MAMDC2: variants seen among roughly 807,000 people sequenced by gnomAD.
MAMDC2 encodes the protein MAM domain containing 2.
In MAMDC2, 57 loss-of-function variants were observed where a neutral mutation model predicts 89.8. The observed-to-expected ratio is 0.63, with a 90% CI of 0.51 to 0.79. The LOEUF is 0.79. Among genes scored for constraint, MAMDC2 ranks in the 30% least tolerant of loss-of-function variants. The pLI, the probability that MAMDC2 is intolerant of heterozygous loss-of-function variation, is 0.00. For missense variants in MAMDC2, 800 were observed against 820.6 expected (o/e 0.97, Z 0.31); for synonymous variants, 313 against 293.4 (o/e 1.07, Z -0.68).
intron 2 of MAMDC2, among the ~76,000 whole-genome samples, chr9:70,078,296 C>A (rs1030138959): frequency 6.6e-6 from 1 of 152,152 alleles, no homozygotes; most frequent in Non-Finnish European, 1.5e-5. Context: ...TCATGTTTTA[C>A]CTTAGGCCCC....
chr9:70,088,897 T>C (rs1231259063), intron 2 of MAMDC2: 1 of 152,116 alleles, frequency 6.6e-6, no homozygotes, highest in Non-Finnish European at 1.5e-5. Flanking sequence ...AGTATTACAA[T>C]GATTTGACAG....
At chr9:70,182,820 T>G (rs2118580158) in intron 11 of MAMDC2, among the ~76,000 whole-genome samples, 1 of 152,352 alleles carries the variant, frequency 6.6e-6, no homozygotes, top group East Asian at 1.9e-4. Context: ...TTCACTGATT[T>G]TTTTGAAGGG....
chr9:70,160,993 T>C (rs1026261567), intron 9 of MAMDC2, among the ~76,000 whole-genome samples: 3 of 152,130 alleles, frequency 2.0e-5, no homozygotes, highest in African/African-American at 7.2e-5. Flanking sequence ...GGCTGTATAA[T>C]GAAATACATT....
chr9:70,178,355 C>T (rs946783676), intron 11 of MAMDC2, among the ~76,000 whole-genome samples: 2 of 151,128 alleles, frequency 1.3e-5, no homozygotes, highest in Non-Finnish European at 3.0e-5. Context: ...GGGAACCAAA[C>T]TCATCCTTTA....
chr9:70,222,781 A>C (rs926862326), intron 12 of MAMDC2, among the ~76,000 whole-genome samples: 1 of 152,136 alleles, frequency 6.6e-6, no homozygotes, highest in Non-Finnish European at 1.5e-5. Context: ...TATTTACATC[A>C]GTCATATTAT....
chr9:70,081,176 C>T (rs1323258017), intron 2 of MAMDC2, among the ~76,000 whole-genome samples: 2 of 152,012 alleles, frequency 1.3e-5, no homozygotes, highest in Non-Finnish European at 2.9e-5. Context: ...GGAAGAAGGG[C>T]AGGCCAGGAG....
chr9:70,214,017 A>G (rs1171201562), intron 11 of MAMDC2, among the ~76,000 whole-genome samples: 2 of 152,150 alleles, frequency 1.3e-5, no homozygotes, highest in Non-Finnish European at 2.9e-5. Flanking sequence ...CATTCAACAG[A>G]TATTAATGAG....
intron 9 of MAMDC2, among the ~76,000 whole-genome samples, chr9:70,155,290 C>T (rs2031720546): frequency 6.6e-6 from 1 of 152,204 alleles, no homozygotes; most frequent in Admixed American, 6.5e-5. Flanking sequence ...CTCCCTGCCT[C>T]ATTCTTAGGA....
intron 4 of MAMDC2, among the ~76,000 whole-genome samples, chr9:70,110,555 G>C (rs1405599651): frequency 6.6e-6 from 1 of 152,164 alleles, no homozygotes; most frequent in Non-Finnish European, 1.5e-5. Flanking sequence ...AAAGAAACAG[G>C]GCAGGTTCAG....
In MAMDC2 at chr9:70,213,492, AT is replaced by A. The variant is rs771032650; in HGVS notation, c.1652-4844del. Among the ~76,000 whole-genome samples, 6 of 152,118 alleles carry A rather than the reference AT, an allele frequency of 3.9e-5. 1 individual carries two copies. In the East Asian group the frequency reaches 9.6e-4, roughly 24 times the overall value. On this transcript the variant is annotated intron_variant, in intron 11 of 13. Transcript: ENST00000377182. ...ACCATGTTACTAACTTATGTGTAGGATAGCATTGGATTCCTTTGTACATAGT... is the reference window on the plus strand; with the variant it reads ...ACCATGTTACTAACTTATGTGTAGGAAGCATTGGATTCCTTTGTACATAGT...
intron 6 of MAMDC2, among the ~76,000 whole-genome samples, chr9:70,129,780 A>G (rs1011397497): frequency 6.6e-6 from 1 of 152,220 alleles, no homozygotes; most frequent in African/African-American, 2.4e-5. Context: ...GTTTGCTAGG[A>G]CTGCCCATAA....
intron 11 of MAMDC2, among the ~76,000 whole-genome samples, chr9:70,199,058 TG>T (rs1324570917): frequency 0.085 from 70 of 820 alleles, no homozygotes; most frequent in Middle Eastern, 0.5. Context: ...TTTTTTCGTT[TG>T]TTTTTTTTTT....
At chr9:70,078,390 T>G (rs1466303847) in intron 2 of MAMDC2, among the ~76,000 whole-genome samples, 1 of 152,172 alleles carries the variant, frequency 6.6e-6, no homozygotes, top group Non-Finnish European at 1.5e-5. Flanking sequence ...AAAATATAAT[T>G]TAAACGTTTC....
At chr9:70,104,997 CA>C (rs1563955872) in intron 2 of MAMDC2, among the ~76,000 whole-genome samples, 2 of 148,456 alleles carry the variant, frequency 1.3e-5, no homozygotes, top group Non-Finnish European at 2.9e-5. Context: ...ATAAATAAAA[CA>C]TTTTTTTACA....
intron 2 of MAMDC2, among the ~76,000 whole-genome samples, chr9:70,069,333 C>T (rs1166206339): frequency 1.3e-5 from 2 of 152,202 alleles, no homozygotes; most frequent in African/African-American, 4.8e-5. Context: ...ATTATAGCCA[C>T]AGGTATTTTA....
chr9:70,108,093 G>T lies in MAMDC2; in HGVS notation c.149-118G>T. 4 of 1,039,848 alleles carry T rather than the reference G, an allele frequency of 3.8e-6. 1 individual carries two copies. 64.4% of individuals were successfully genotyped at this position (1,039,848 alleles called of 1,614,324 possible). On this transcript the variant is annotated intron_variant, in intron 2 of 13. Transcript: ENST00000377182. ...TCCAGTGTTCAGGCAACTTTCAGTG[G>T]GTTGACAAAATATATCTGCAGGTTT...
At chr9:70,179,406 C>T (rs1174012371) in intron 11 of MAMDC2, among the ~76,000 whole-genome samples, 1 of 151,738 alleles carries the variant, frequency 6.6e-6, no homozygotes, top group Non-Finnish European at 1.5e-5. Context: ...TGCCTGTAGT[C>T]CCAGCTACTT....
intron 2 of MAMDC2, among the ~76,000 whole-genome samples, chr9:70,101,392 G>T (rs1828191847): frequency 6.6e-6 from 1 of 152,146 alleles, no homozygotes; most frequent in African/African-American, 2.4e-5. Flanking sequence ...AATAGCCTAA[G>T]TATACAGTGT....
intron 4 of MAMDC2, 143 bp downstream of exon 4, chr9:70,109,947 A>G (rs994868486): frequency 4.3e-6 from 3 of 695,814 alleles, no homozygotes; most frequent in African/African-American, 1.8e-5. Flanking sequence ...ATTCTTTGCT[A>G]GATTCATTTG....
Sources: allele counts gnomAD v4.1 joint callset (sites outside exome capture counted in the v4.1 genomes callset), GRCh38; gene constraint gnomAD v4.1.1; transcripts MANE v1.5; gene names NCBI Gene and HGNC (gene_info 2026-07-23, HGNC 2026-07-21).